The following VAV1 variants were observed in gnomAD, a reference collection of about 807,000 sequenced individuals.
VAV1 encodes proto-oncogene vav.
A neutral mutation model predicts 128.1 loss-of-function variants in VAV1; 33 were observed. The observed-to-expected ratio is 0.26, with a 90% CI of 0.20 to 0.34. The LOEUF is 0.34. Among genes scored for constraint, VAV1 ranks in the 10% least tolerant of loss-of-function variants. VAV1 has a pLI of 1.00. For synonymous variants in VAV1, 394 were observed against 409.8 expected, an observed-to-expected ratio of 0.96 and a Z score of 0.47; for missense variants, 715 against 1,093.7, an observed-to-expected ratio of 0.65 and a Z score of 4.88.
chr19:6,814,663 C>CTTTCTTTCTTT (rs1568299110), intron 1 of VAV1, among the ~76,000 whole-genome samples: 48 of 26,524 alleles, frequency 1.8e-3, no homozygotes, highest in South Asian at 6.6e-3. Flanking sequence ...TTCCTTCCTT[C>CTTTCTTTCTTT]CTTCCTTCCT....
At chr19:6,855,534 C>G (rs144210742) in intron 26 of VAV1, among the ~76,000 whole-genome samples, 2 of 152,108 alleles carry the variant, frequency 1.3e-5, no homozygotes, top group African/African-American at 4.8e-5. Flanking sequence ...CTTCCACTCA[C>G]GCATCTATCT....
At chr19:6,835,067 G>A (rs747922153) in intron 19 of VAV1, among the ~76,000 whole-genome samples, 158 of 151,924 alleles carry the variant, frequency 1.0e-3, no homozygotes, top group Non-Finnish European at 1.4e-3. Flanking sequence ...ATAAATATAT[G>A]AAATCTATGA....
chr19:6,839,185 G>A (rs1215713382), intron 21 of VAV1, among the ~76,000 whole-genome samples: 2 of 151,260 alleles, frequency 1.3e-5, no homozygotes, highest in Non-Finnish European at 2.9e-5. Flanking sequence ...ACAGGTGTGA[G>A]CCACTGCACC....
In VAV1 at chr19:6,801,795, G is replaced by A. The variant is rs139984639; in HGVS notation, c.205-18907G>A. ...CTCTGTCCCTGCACACTGCTTCCCC[G>A]AAGGAGCGTGGAAAGCCAGCCGACC... On this transcript the variant is annotated intron_variant, in intron 1 of 26. Coordinates refer to ENST00000602142, the MANE Select transcript of VAV1 (RefSeq NM_005428.4). Among the ~76,000 whole-genome samples the A allele has an allele frequency of 2.0e-4, 30 of 152,242 alleles. 1 individual carries two copies. In the East Asian group the frequency reaches 5.8e-3, roughly 29 times the overall value.
At position 6,826,581 on chromosome 19, in the gene VAV1, C is replaced by A; in HGVS notation, c.828-31C>A. On this transcript the variant is annotated intron_variant, in intron 8 of 26. Coordinates refer to ENST00000602142, the MANE Select transcript of VAV1 (RefSeq NM_005428.4). This position sits in a 1 kb window ranked among gnomAD's most constrained non-coding sequence, Gnocchi z 4.1. ...TCTGCCCGACCTTGATGCCAGTCAC[C>A]TTTACCTGGTGGCCTGTCTTCTCCC... is the stretch of plus-strand genomic sequence containing the variant. 4 of 1,529,290 alleles carry A rather than the reference C, an allele frequency of 2.6e-6. No individual in the cohort carries two copies. Among genetic ancestry groups the A allele is most frequent in the Non-Finnish European group, 3.5e-6 (4 of 1,128,352 alleles). 94.7% of individuals were successfully genotyped at this position (1,529,290 alleles called of 1,614,324 possible). A position where few individuals can be genotyped will look rare whatever the true frequency, so the allele number is the denominator to read the frequency against.
rs1362752761 is a variant in VAV1 at position 6,847,443 on chromosome 19, T to A, written c.2013-555T>A. ...TTTGTGCCTGGCTTCTCTCACTGAG[T>A]GTGATGTTTTAAGGCTCATCTCCAT... On this transcript the variant is annotated intron_variant, in intron 22 of 26. Transcript: ENST00000602142. Among the ~76,000 whole-genome samples, 7 of 152,090 alleles carry A rather than the reference T, an allele frequency of 4.6e-5. No individual in the cohort carries two copies. The East Asian group carries it at 1.3e-3, about 29-fold the overall frequency.
rs1185334856 is a variant in VAV1, at chr19:6,780,158, A to AATAACC, written c.204+7148_204+7149insTAACCA. ...TAATAATAATAATAATAATAATAATAACCTCATCCATGAATCATTTTCCAG... is the reference window on the plus strand; with the variant it reads ...TAATAATAATAATAATAATAATAATAATAACCACCTCATCCATGAATCATTTTCCAG... On this transcript the variant is annotated intron_variant, in intron 1 of 26. Coordinates refer to ENST00000602142, the MANE Select transcript of VAV1 (RefSeq NM_005428.4). Among the ~76,000 whole-genome samples, 5 of 137,002 alleles carry AATAACC rather than the reference A, an allele frequency of 3.6e-5. No individual in the cohort carries two copies. In the Admixed American group the frequency reaches 3.7e-4, roughly 10 times the overall value. 89.9% of individuals were successfully genotyped at this position (137,002 alleles called of 152,430 possible). A position where few individuals can be genotyped will look rare whatever the true frequency, so the allele number is the denominator to read the frequency against.
At chr19:6,841,825 G>A (rs1972385154) in intron 21 of VAV1, among the ~76,000 whole-genome samples, 1 of 152,092 alleles carries the variant, frequency 6.6e-6, no homozygotes, top group Non-Finnish European at 1.5e-5. Flanking sequence ...CAGTGCACAA[G>A]GGTTCTGATT....
intron 1 of VAV1, among the ~76,000 whole-genome samples, chr19:6,813,189 C>T (rs1971549268): frequency 6.6e-6 from 1 of 152,206 alleles, no homozygotes; most frequent in South Asian, 2.1e-4. Context: ...CAGATGTCGG[C>T]TGGGGCTGCA....
chr19:6,838,169 CTATT>C (rs1411889406), intron 21 of VAV1, among the ~76,000 whole-genome samples: 1 of 150,016 alleles, frequency 6.7e-6, no homozygotes, highest in Non-Finnish European at 1.5e-5. Context: ...TATCATCTAT[CTATT>C]TACCTATCAT....
chr19:6,857,036 CT>C lies in VAV1; in HGVS notation c.2485-17del, dbSNP rs953252523. The stretch of plus-strand genomic sequence containing the variant: ...GATGTGCAGAGGTTGCACTGATGAA[CT>C]CCTCGTCTGTTTCCAGGTTGGCTGG... On this transcript the variant is annotated splice_polypyrimidine_tract_variant and intron_variant, in intron 26 of 26. Transcript: ENST00000602142. 1.2e-6 allele frequency: 2 copies of C among 1,613,182 alleles called. No homozygotes were observed. The highest frequency in any genetic ancestry group is 2.7e-5 in the African/African-American group (2 of 74,908).
intron 26 of VAV1, 138 bp from the exon 27 acceptor site, chr19:6,856,916 G>A: frequency 1.4e-6 from 1 of 698,952 alleles, no homozygotes. Context: ...GTGTACGTTG[G>A]GTGATGTGTT....
At chr19:6,824,809 C>T (rs943929829) in intron 6 of VAV1, among the ~76,000 whole-genome samples, 7 of 152,130 alleles carry the variant, frequency 4.6e-5, no homozygotes, top group Non-Finnish European at 1.0e-4. Flanking sequence ...GGATTGCAGG[C>T]GTGAGCCACC....
At chr19:6,848,349 A>T (rs1972576857) in intron 23 of VAV1, among the ~76,000 whole-genome samples, 1 of 152,016 alleles carries the variant, frequency 6.6e-6, no homozygotes, top group African/African-American at 2.4e-5. Context: ...TAATTAATTA[A>T]TTTGAGTCAG....
At chr19:6,834,012 G>T in intron 19 of VAV1, 59 bp downstream of exon 19, 2 of 1,609,776 alleles carry the variant, frequency 1.2e-6, no homozygotes, top group South Asian at 2.2e-5. Context: ...TATTGATGTT[G>T]ACCCAGGGAC....
intron 4 of VAV1, 54 bp downstream of exon 4, chr19:6,821,913 G>A: frequency 3.7e-6 from 6 of 1,608,538 alleles, no homozygotes; most frequent in Non-Finnish European, 4.3e-6. Flanking sequence ...TCCTGGGGGT[G>A]GAGGGTGTGG....
At chr19:6,788,464 C>T (rs1970943999) in intron 1 of VAV1, among the ~76,000 whole-genome samples, 1 of 150,706 alleles carries the variant, frequency 6.6e-6, no homozygotes, top group Admixed American at 6.6e-5. Context: ...CCTCCACCTC[C>T]TGGGTTCAAG....
Position 6,845,586 on chromosome 19 carries a change from G to A in VAV1, c.2013-2412G>A, listed in dbSNP as rs116641787. ...AATTAATACTTATCATTTATATTGTGTATTTATGTTTACAACCTATTATAT... is the reference window on the plus strand; with the variant it reads ...AATTAATACTTATCATTTATATTGTATATTTATGTTTACAACCTATTATAT... On this transcript the variant is annotated intron_variant, in intron 22 of 26. Transcript: ENST00000602142. 6.9e-3 allele frequency among the ~76,000 whole-genome samples: 1,041 copies of A among 150,742 alleles called. 14 individuals are homozygous for A. The highest frequency in any genetic ancestry group is 0.024 in the African/African-American group (987 of 41,220).
At chr19:6,827,851 C>T (rs553882037) in intron 9 of VAV1, among the ~76,000 whole-genome samples, 9 of 151,954 alleles carry the variant, frequency 5.9e-5, no homozygotes, top group East Asian at 3.9e-4. Flanking sequence ...CCTCCCGCCT[C>T]GGCCTCCCAA....
Sources: allele counts gnomAD v4.1 joint callset (sites outside exome capture counted in the v4.1 genomes callset), GRCh38; gene constraint gnomAD v4.1.1; non-coding constraint Gnocchi (gnomAD v3.1); transcripts MANE v1.5; gene names NCBI Gene and HGNC (gene_info 2026-07-23, HGNC 2026-07-21).